Variants in DIAPH1 observed in about 807,000 individuals in gnomAD.
The protein encoded by DIAPH1 is protein diaphanous homolog 1.
A neutral mutation model predicts 140.7 loss-of-function variants in DIAPH1; 46 were observed. The observed-to-expected ratio is 0.33, with a 90% CI of 0.26 to 0.42. The LOEUF (loss-of-function observed/expected upper bound fraction) is 0.42. Among genes scored for constraint, DIAPH1 ranks in the 10% least tolerant of loss-of-function variants. The pLI is 1.00. For synonymous variants in DIAPH1, 565 were observed against 551.6 expected (o/e 1.02, Z -0.34); for missense variants, 1,310 against 1,558.7 (o/e 0.84, Z 2.69).
At chr5:141,551,741 T>A (rs1455401304) in intron 18 of DIAPH1, among the ~76,000 whole-genome samples, 1 of 152,246 alleles carries the variant, frequency 6.6e-6, no homozygotes. Context: ...ACTACTTTTC[T>A]CAGTAATTGA....
intron 8 of DIAPH1, 140 bp downstream of exon 8, chr5:141,580,604 T>C: frequency 3.7e-6 from 3 of 816,924 alleles, no homozygotes; most frequent in Non-Finnish European, 6.2e-6. Flanking sequence ...TTAAGATGCT[T>C]AGTGTTCACT....
Position 141,528,506 on chromosome 5 carries a change from G to C in DIAPH1, c.3095C>G (p.Pro1032Arg). The stretch of plus-strand genomic sequence containing the variant: ...CTCGTCTGGAAACTTGAGGACATCG[G>C]GATAGTCATTCTCACACAACTCAGC... ...FLAELCENDY[P>R]DVLKFPDELA... is the part of the protein sequence containing the mutation. The change falls in exon 23 of 28, where the codon CCC (proline) becomes CGC (arginine). Residue 1032 changes from proline to arginine, a missense_variant. Coordinates refer to ENST00000389054, the MANE Select transcript of DIAPH1 (RefSeq NM_005219.5). 1 of 1,614,166 alleles carries C rather than the reference G, an allele frequency of 6.2e-7. No homozygotes were observed.
At chr5:141,614,704 A>C (rs1355226715) in intron 1 of DIAPH1, among the ~76,000 whole-genome samples, 2 of 152,142 alleles carry the variant, frequency 1.3e-5, no homozygotes, top group Non-Finnish European at 2.9e-5. Flanking sequence ...AGGCAGGAAG[A>C]ATGGCGGAAA....
chr5:141,567,035 T>C (rs528209361), intron 18 of DIAPH1, among the ~76,000 whole-genome samples: 1 of 152,138 alleles, frequency 6.6e-6, no homozygotes, highest in African/African-American at 2.4e-5. Flanking sequence ...TTCCAGAGGG[T>C]ACAGTGGACC....
chr5:141,542,613 T>C (rs1251849343), intron 18 of DIAPH1, among the ~76,000 whole-genome samples: 1 of 151,962 alleles, frequency 6.6e-6, no homozygotes, highest in African/African-American at 2.4e-5. Context: ...AAGTCACATA[T>C]ATTATTTCAC....
At position 141,591,130 on chromosome 5, in the gene DIAPH1, G is replaced by A. The variant is rs76898547; in HGVS notation, c.118-2880C>T. Among the ~76,000 whole-genome samples, 920 of 151,910 alleles carry A rather than the reference G, an allele frequency of 6.1e-3. 9 individuals are homozygous for A. The highest frequency in any genetic ancestry group is 0.022 in the African/African-American group (892 of 41,392). On this transcript the variant is annotated intron_variant, in intron 1 of 27. Transcript: ENST00000389054. ...ACTCTCCACCTCAGACTCCATCTTC[G>A]TCTCCAAACAGATGACGCTGCCTCA... is the stretch of plus-strand genomic sequence containing the variant.
chr5:141,577,486 G>T lies in DIAPH1; in HGVS notation c.1269C>A (p.Asp423Glu), dbSNP rs367981585. The T allele has an allele frequency of 1.2e-6, 2 of 1,611,484 alleles. No individual in the cohort carries two copies. The highest frequency in any genetic ancestry group is 1.7e-6 in the Non-Finnish European group (2 of 1,177,608). ...GCACAGCATCTTACCTGGCCTCATA[G>T]TCATTTCGGACCAAGAGTAAGTGCT... ...ILQHLLLVRN[D>E]YEARPQYYKL... is the part of the protein sequence containing the mutation. Residue 423 changes from aspartate (D) to glutamate (E), a missense_variant, in exon 12 of 28, where the codon GAC becomes GAA. This residue lies in a region of DIAPH1 where 589 missense variants were observed against 549.3 expected (regional missense o/e 1.07). Coordinates refer to ENST00000389054, the MANE Select transcript of DIAPH1 (RefSeq NM_005219.5).
At chr5:141,560,121 A>C (rs1413491464) in intron 18 of DIAPH1, among the ~76,000 whole-genome samples, 2 of 152,366 alleles carry the variant, frequency 1.3e-5, no homozygotes, top group East Asian at 3.9e-4. Context: ...TGTTTTGTAT[A>C]GTTCATTTGG....
Position 141,576,254 on chromosome 5 carries a change from G to C in DIAPH1, c.1437C>G (p.Ala479=). The change falls in exon 14 of 28, where the codon GCC becomes GCG. Residue 479 remains alanine, a synonymous_variant. Transcript: ENST00000389054. ...CCTTCTTTTCCAGCTCTGCAGCTTT[G>C]GCTTCAGATTTCTCCACCTTTGTCT... ...IDKTKVEKSE[A]KAAELEKKLD... is the part of the protein sequence containing the mutation. 2 of 1,613,756 alleles carry C rather than the reference G, an allele frequency of 1.2e-6. No individual in the cohort carries two copies. Among genetic ancestry groups the C allele is most frequent in the Non-Finnish European group, 1.7e-6 (2 of 1,179,722 alleles).
intron 18 of DIAPH1, among the ~76,000 whole-genome samples, chr5:141,538,106 G>C (rs1355682407): frequency 6.6e-6 from 1 of 151,520 alleles, no homozygotes; most frequent in Non-Finnish European, 1.5e-5. Flanking sequence ...TGTCACCCAG[G>C]CTGGAGTGCA....
Position 141,573,773 on chromosome 5 carries a change from G to A in DIAPH1, c.2077C>T (p.Pro693Ser), listed in dbSNP as rs771963258. The change falls in exon 16 of 28, where the codon CCT (proline) becomes TCT (serine). Residue 693 changes from proline (P) to serine (S), a missense_variant. Coordinates refer to ENST00000389054, the MANE Select transcript of DIAPH1 (RefSeq NM_005219.5). Reference sequence around the variant, plus strand: ...GGAATTCCAGCACTCCCAGGCAAAGGAGGTGGTGGTGGGGGGATTCTAGCA... The same window carrying A: ...GGAATTCCAGCACTCCCAGGCAAAGAAGGTGGTGGTGGGGGGATTCTAGCA... ...GSARIPPPPPPLPGSAGIPPP... is the reference protein window; with the variant it reads ...GSARIPPPPPSLPGSAGIPPP... The A allele has an allele frequency of 2.3e-6, 3 of 1,314,688 alleles. No homozygotes were observed. The South Asian group carries it at 4.0e-5, about 17-fold the overall frequency. The allele number at this position is 1,314,688 out of a possible 1,614,324, so 81.4% of individuals were successfully genotyped here. A position where few individuals can be genotyped will look rare whatever the true frequency, so the allele number is the denominator to read the frequency against.
chr5:141,605,530 T>C (rs892961964), intron 1 of DIAPH1, among the ~76,000 whole-genome samples: 1 of 152,208 alleles, frequency 6.6e-6, no homozygotes, highest in Non-Finnish European at 1.5e-5. Flanking sequence ...TCTCCAGTGG[T>C]ATTTTGCTTA....
intron 1 of DIAPH1, among the ~76,000 whole-genome samples, chr5:141,617,695 CTT>C (rs2099902910): frequency 6.6e-6 from 1 of 152,204 alleles, no homozygotes; most frequent in African/African-American, 2.4e-5. Context: ...ATATCCAAGA[CTT>C]TTCCTCTCCT....
At chr5:141,583,091 G>T in intron 6 of DIAPH1, 115 bp downstream of exon 6, 3 of 918,338 alleles carry the variant, frequency 3.3e-6, no homozygotes, top group Non-Finnish European at 5.5e-6. Context: ...TTGGCTAACA[G>T]TACATTCCCC....
rs2154596598 is a variant in DIAPH1, at chr5:141,583,469, TC to T, written c.533+15del. On this transcript the variant is annotated intron_variant, in intron 5 of 27. Transcript: ENST00000389054. Reference sequence around the variant, plus strand: ...ACATTTGGCTCCTACTCCTGTTACCTCCTCAGAATCCTCACCTGACAGGGTT... The same window carrying T: ...ACATTTGGCTCCTACTCCTGTTACCTCTCAGAATCCTCACCTGACAGGGTT... 1 of 1,614,198 alleles carries T rather than the reference TC, an allele frequency of 6.2e-7. No homozygotes were observed. The highest frequency in any genetic ancestry group is 1.1e-5 in the South Asian group (1 of 91,084).
chr5:141,595,041 CAAA>C (rs1201705026), intron 1 of DIAPH1, among the ~76,000 whole-genome samples: 6 of 79,102 alleles, frequency 7.6e-5, no homozygotes, highest in Admixed American at 1.4e-4. Context: ...AACTCCATCT[CAAA>C]AAAAAAAAAA....
intron 18 of DIAPH1, among the ~76,000 whole-genome samples, chr5:141,556,356 G>C (rs1368653941): frequency 6.6e-6 from 1 of 152,166 alleles, no homozygotes; most frequent in Non-Finnish European, 1.5e-5. Context: ...ATCACCATAG[G>C]GATGCAGCTA....
At position 141,528,958 on chromosome 5, in the gene DIAPH1, G is replaced by C; in HGVS notation, c.2779-17C>G. 1 of 1,613,662 alleles carries C rather than the reference G, an allele frequency of 6.2e-7. No individual in the cohort carries two copies. Among genetic ancestry groups the C allele is most frequent in the Non-Finnish European group, 8.5e-7 (1 of 1,180,028 alleles). ...AGTGCCCATCTAGTAAAGAACACAAGCAGTTCCATTACAGTCAAAAGAGGG... is the reference window on the plus strand; with the variant it reads ...AGTGCCCATCTAGTAAAGAACACAACCAGTTCCATTACAGTCAAAAGAGGG... On this transcript the variant is annotated splice_polypyrimidine_tract_variant and intron_variant, in intron 21 of 27. Coordinates refer to ENST00000389054, the MANE Select transcript of DIAPH1 (RefSeq NM_005219.5).
Position 141,618,691 on chromosome 5 carries a change from G to A in DIAPH1, c.117+107C>T, listed in dbSNP as rs914218033. Reference sequence around the variant, plus strand: ...GGACCGAGCGAAACGAGGAAGGAAGGCGCGGGGGCGGCTCCCCAAAGCCGG... The same window carrying A: ...GGACCGAGCGAAACGAGGAAGGAAGACGCGGGGGCGGCTCCCCAAAGCCGG... On this transcript the variant is annotated intron_variant, in intron 1 of 27. Coordinates refer to ENST00000389054, the MANE Select transcript of DIAPH1 (RefSeq NM_005219.5). The A allele has an allele frequency of 7.1e-6, 5 of 707,718 alleles. No individual in the cohort carries two copies. In the African/African-American group the frequency reaches 9.4e-5, roughly 13 times the overall value. 43.8% of individuals were successfully genotyped at this position (707,718 alleles called of 1,614,324 possible). A position where few individuals can be genotyped will look rare whatever the true frequency, so the allele number is the denominator to read the frequency against.
Sources: gnomAD v4.1 joint callset for allele counts (sites outside exome capture counted in the v4.1 genomes callset) on GRCh38, gnomAD v4.1.1 for gene constraint, gnomAD v4.1.1 regional missense constraint, MANE v1.5 for transcripts, NCBI Gene and HGNC (gene_info 2026-07-23, HGNC 2026-07-21) for gene names.